BPNT2: variants seen among roughly 807,000 people sequenced by gnomAD.
The protein encoded by BPNT2 is 3'(2'), 5'-bisphosphate nucleotidase 2.
Under a neutral mutation model 29.3 loss-of-function variants are expected in BPNT2, and 11 were observed. The observed-to-expected ratio is 0.38, with a 90% CI of 0.24 to 0.62. The LOEUF (loss-of-function observed/expected upper bound fraction) is 0.62. BPNT2 is among the 20% of genes least tolerant of loss of function. BPNT2 has a pLI of 0.62. For missense variants in BPNT2, 459 were observed against 473.4 expected (o/e 0.97, Z 0.28); for synonymous variants, 195 against 187.7 (o/e 1.04, Z -0.32).
At position 56,963,709 on chromosome 8, in the gene BPNT2, A is replaced by T; in HGVS notation, c.*84T>A. 1 of 1,488,700 alleles carries T rather than the reference A, an allele frequency of 6.7e-7. No homozygotes were observed. Among genetic ancestry groups the T allele is most frequent in the Non-Finnish European group, 9.3e-7 (1 of 1,070,100 alleles). 92.2% of individuals were successfully genotyped at this position (1,488,700 alleles called of 1,614,324 possible). A position where few individuals can be genotyped will look rare whatever the true frequency, so the allele number is the denominator to read the frequency against. On this transcript the variant is annotated 3_prime_UTR_variant, in exon 5 of 5. Coordinates refer to ENST00000262644, the MANE Select transcript of BPNT2 (RefSeq NM_017813.5). ...GTTCGGGATGGCCTTAACCATGCAT[A>T]GTCTCCACCAATCCTTTGAAGCTTC...
intron 1 of BPNT2, among the ~76,000 whole-genome samples, chr8:56,986,105 T>C (rs1465490770): frequency 6.6e-6 from 1 of 152,206 alleles, no homozygotes; most frequent in Admixed American, 6.5e-5. Flanking sequence ...TCCTACTCAG[T>C]CTTTCCTGAC....
intron 1 of BPNT2, among the ~76,000 whole-genome samples, chr8:56,987,689 G>A (rs1172621934): frequency 6.6e-6 from 1 of 151,780 alleles, no homozygotes; most frequent in Non-Finnish European, 1.5e-5. Flanking sequence ...CTCTTTCTCT[G>A]GAGAACCCTG....
Position 56,962,794 on chromosome 8 carries a change from T to C in BPNT2, c.*999A>G, listed in dbSNP as rs965856654. The stretch of plus-strand genomic sequence containing the variant: ...TTCTTGATAATGAAAGGATCTTCTA[T>C]ATACAAACCTAGCAAATTAAAAAAA... On this transcript the variant is annotated 3_prime_UTR_variant, in exon 5 of 5. Coordinates refer to ENST00000262644, the MANE Select transcript of BPNT2 (RefSeq NM_017813.5). 1 of 152,042 alleles carries C rather than the reference T, an allele frequency of 6.6e-6. No individual in the cohort carries two copies. Among genetic ancestry groups the C allele is most frequent in the Admixed American group, 6.6e-5 (1 of 15,266 alleles). The allele number at this position is 152,042 out of a possible 1,614,324, so 9.4% of individuals were successfully genotyped here.
chr8:56,978,470 T>G (rs1177949670), intron 2 of BPNT2, among the ~76,000 whole-genome samples: 2 of 152,170 alleles, frequency 1.3e-5, no homozygotes, highest in Non-Finnish European at 2.9e-5. Flanking sequence ...GTTAAGCCAC[T>G]GTGGTAGACA....
intron 1 of BPNT2, among the ~76,000 whole-genome samples, chr8:56,986,576 A>G (rs1337833436): frequency 1.3e-5 from 2 of 152,178 alleles, no homozygotes; most frequent in African/African-American, 4.8e-5. Context: ...GTGAATTGAG[A>G]AGCATTTGTA....
chr8:56,981,397 T>C (rs1444746074), intron 1 of BPNT2, among the ~76,000 whole-genome samples: 2 of 152,092 alleles, frequency 1.3e-5, no homozygotes, highest in African/African-American at 2.4e-5. Context: ...AAACCCCATC[T>C]CTACTAAAAA....
At chr8:56,977,248 A>G (rs13258916) in intron 3 of BPNT2, among the ~76,000 whole-genome samples, 31,861 of 151,968 alleles carry the variant, frequency 0.21, 3,721 homozygotes, top group East Asian at 0.45. Context: ...TTTTCTTATA[A>G]TTCTAAAGGC....
chr8:56,988,668 G>A (rs1042416456), intron 1 of BPNT2, among the ~76,000 whole-genome samples: 2 of 152,052 alleles, frequency 1.3e-5, no homozygotes, highest in South Asian at 2.1e-4. Flanking sequence ...TCACAACACC[G>A]ATGACTCGCA....
rs1805783766 is a variant in BPNT2 at position 56,958,977 on chromosome 8, T to C, written c.*4816A>G. ...TGTAATGATGACTCACTATGCCTTA[T>C]TTCCTATTTTTAAAAACACAGAATG... is the stretch of plus-strand genomic sequence containing the variant. On this transcript the variant is annotated 3_prime_UTR_variant, in exon 5 of 5. Transcript: ENST00000262644. The C allele has an allele frequency of 1.3e-5, 2 of 152,230 alleles. No individual in the cohort carries two copies. Among genetic ancestry groups the C allele is most frequent in the African/African-American group, 4.8e-5 (2 of 41,456 alleles). The allele number at this position is 152,230 out of a possible 1,614,324, so 9.4% of individuals were successfully genotyped here. A position where few individuals can be genotyped will look rare whatever the true frequency, so the allele number is the denominator to read the frequency against.
chr8:56,971,918 A>AC (rs1271299034), intron 3 of BPNT2, among the ~76,000 whole-genome samples: 6 of 150,960 alleles, frequency 4.0e-5, no homozygotes, highest in African/African-American at 1.5e-4. Context: ...ACATGGTGAT[A>AC]CCCCGTCTCT....
chr8:56,987,731 CTTT>C (rs35492743), intron 1 of BPNT2, among the ~76,000 whole-genome samples: 6 of 140,076 alleles, frequency 4.3e-5, no homozygotes, highest in Admixed American at 7.2e-5. Context: ...TAACTATTTT[CTTT>C]TTTTTTTTTT....
chr8:56,966,998 A>G (rs1370075835), intron 3 of BPNT2: 2 of 355,482 alleles, frequency 5.6e-6, no homozygotes, highest in Non-Finnish European at 1.1e-5. Flanking sequence ...AGATTTCAAA[A>G]TAGAATAGAA....
chr8:56,960,466 A>G lies in BPNT2; in HGVS notation c.*3327T>C, dbSNP rs535446285. The G allele has an allele frequency of 1.3e-5, 2 of 152,352 alleles. No homozygotes were observed. The highest frequency in any genetic ancestry group is 4.1e-4 in the South Asian group (2 of 4,832). The allele number at this position is 152,352 out of a possible 1,614,324, so 9.4% of individuals were successfully genotyped here. On this transcript the variant is annotated 3_prime_UTR_variant, in exon 5 of 5. Coordinates refer to ENST00000262644, the MANE Select transcript of BPNT2 (RefSeq NM_017813.5). ...AAGGGAGCACCTAACAAACAAGAGG[A>G]ATTTGCACAACTGTTACTTAAAACA...
Position 56,962,189 on chromosome 8 carries a change from C to G in BPNT2, c.*1604G>C, listed in dbSNP as rs1018560155. Reference sequence around the variant, plus strand: ...AAGGCCTACTGCTAAGGCCCAACACCTTCTCGAATTTGACCAGTTGCAAGA... The same window carrying G: ...AAGGCCTACTGCTAAGGCCCAACACGTTCTCGAATTTGACCAGTTGCAAGA... On this transcript the variant is annotated 3_prime_UTR_variant, in exon 5 of 5. Transcript: ENST00000262644. The G allele has an allele frequency of 2.6e-5, 4 of 152,178 alleles. No homozygotes were observed. The highest frequency in any genetic ancestry group is 9.7e-5 in the African/African-American group (4 of 41,440). 9.4% of individuals were successfully genotyped at this position (152,178 alleles called of 1,614,324 possible).
chr8:56,978,981 A>C (rs1806194647), intron 2 of BPNT2, among the ~76,000 whole-genome samples: 1 of 152,208 alleles, frequency 6.6e-6, no homozygotes, highest in Non-Finnish European at 1.5e-5. Flanking sequence ...TCTGTACAAC[A>C]AACCCTCATG....
chr8:56,973,657 T>C (rs34020186), intron 3 of BPNT2, among the ~76,000 whole-genome samples: 32,080 of 152,024 alleles, frequency 0.21, 3,771 homozygotes, highest in East Asian at 0.45. Flanking sequence ...AGAAGACGAC[T>C]TGATGGAGAT....
At chr8:56,967,285 G>GTC (rs1563405332) in intron 3 of BPNT2, 2 of 455,938 alleles carry the variant, frequency 4.4e-6, no homozygotes, top group Non-Finnish European at 8.8e-6. Context: ...AATGATGGCA[G>GTC]TCTCCTGGAC....
rs1470324201 is a variant in BPNT2 at position 56,959,076 on chromosome 8, T to C, written c.*4717A>G. The stretch of plus-strand genomic sequence containing the variant: ...CAAAATGAATTTTAAGGGAACATAT[T>C]ACTAATCAAATAACACAGTTTATGC... On this transcript the variant is annotated 3_prime_UTR_variant, in exon 5 of 5. Coordinates refer to ENST00000262644, the MANE Select transcript of BPNT2 (RefSeq NM_017813.5). 6.6e-6 allele frequency: 1 copy of C among 152,222 alleles called. No individual in the cohort carries two copies. Among genetic ancestry groups the C allele is most frequent in the Non-Finnish European group, 1.5e-5 (1 of 68,040 alleles). The allele number at this position is 152,222 out of a possible 1,614,324, so 9.4% of individuals were successfully genotyped here. A position where few individuals can be genotyped will look rare whatever the true frequency, so the allele number is the denominator to read the frequency against.
rs1431889376 is a variant in BPNT2, at chr8:56,957,995, A to G, written c.*5798T>C. On this transcript the variant is annotated 3_prime_UTR_variant, in exon 5 of 5. Coordinates refer to ENST00000262644, the MANE Select transcript of BPNT2 (RefSeq NM_017813.5). ...TCGTTTGGCAAAGTATATCCGGGGC[A>G]GAGAGTTTGGGATAATTATGTCATT... 1 of 152,168 alleles carries G rather than the reference A, an allele frequency of 6.6e-6. No individual in the cohort carries two copies. The highest frequency in any genetic ancestry group is 1.5e-5 in the Non-Finnish European group (1 of 68,030). The allele number at this position is 152,168 out of a possible 1,614,324, so 9.4% of individuals were successfully genotyped here.
Sources: allele counts gnomAD v4.1 joint callset (sites outside exome capture counted in the v4.1 genomes callset), GRCh38; gene constraint gnomAD v4.1.1; transcripts MANE v1.5; gene names NCBI Gene and HGNC (gene_info 2026-07-23, HGNC 2026-07-21).